Variants in CABLES2 observed in about 807,000 individuals in gnomAD.
The protein encoded by CABLES2 is CDK5 and ABL1 enzyme substrate 2.
CABLES2 carries 35 observed loss-of-function variants against 44.8 expected under a neutral mutation model. The ratio of observed to expected loss-of-function variants is 0.78; its 90% CI spans 0.60 to 1.04. The LOEUF is 1.04. CABLES2 is among the 50% of genes least tolerant of loss of function. CABLES2 has a pLI of 0.00. For synonymous variants in CABLES2, 282 were observed against 281.1 expected (o/e 1.00, Z -0.03); for missense variants, 566 against 615.7 (o/e 0.92, Z 0.85).
At chr20:62,395,052 A>G in intron 3 of CABLES2, 38 bp from the exon 4 acceptor site, 1 of 1,528,406 alleles carries the variant, frequency 6.5e-7, no homozygotes, top group Non-Finnish European at 9.1e-7. Context: ...GGGGCCGGGG[A>G]GCGGGGCTCA....
intron 1 of CABLES2, among the ~76,000 whole-genome samples, chr20:62,398,023 T>A (rs1228404829): frequency 6.8e-6 from 1 of 147,340 alleles, no homozygotes; most frequent in Non-Finnish European, 1.5e-5. Context: ...GCGGTGGTGG[T>A]GGTGGTGACA....
chr20:62,403,697 G>A, intron 1 of CABLES2: 1 of 152,276 alleles, frequency 6.6e-6, no homozygotes, highest in East Asian at 1.9e-4. Flanking sequence ...GGGAGGCCCA[G>A]AGTTCCCACT....
rs539262002 is a variant in CABLES2 at position 62,398,000 on chromosome 20, G to A, written c.363-1408C>T. ...TGGTGATGGCGGTGGTGGTGATGATGGTGATGGTTATGGCGGTGGTGGTGG... is the reference window on the plus strand; with the variant it reads ...TGGTGATGGCGGTGGTGGTGATGATAGTGATGGTTATGGCGGTGGTGGTGG... On this transcript the variant is annotated intron_variant, in intron 1 of 9. Transcript: ENST00000279101. 5.6e-4 allele frequency among the ~76,000 whole-genome samples: 77 copies of A among 137,556 alleles called. 1 individual carries two copies. Among genetic ancestry groups the A allele is most frequent in the African/African-American group, 2.3e-3 (74 of 32,384 alleles). 90.2% of individuals were successfully genotyped at this position (137,556 alleles called of 152,430 possible). A position where few individuals can be genotyped will look rare whatever the true frequency, so the allele number is the denominator to read the frequency against.
At chr20:62,394,060 G>A (rs929122996) in intron 5 of CABLES2, 97 bp downstream of exon 5, 3 of 936,772 alleles carry the variant, frequency 3.2e-6, no homozygotes, top group Non-Finnish European at 5.2e-6. Context: ...GTGAAGCACA[G>A]CTTCACGTGT....
In CABLES2 at chr20:62,391,394, G is replaced by A; in HGVS notation, c.1151C>T (p.Ala384Val). 6.2e-7 allele frequency: 1 copy of A among 1,613,388 alleles called. No homozygotes were observed. The highest frequency in any genetic ancestry group is 1.7e-5 in the Admixed American group (1 of 60,034). The change falls in exon 9 of 10, where the codon GCC becomes GTC. Residue 384 changes from alanine (A) to valine (V), a missense_variant. By Grantham distance (64) the Ala-to-Val change is moderately conservative (BLOSUM62 0). Transcript: ENST00000279101. This position sits in a 1 kb window ranked among gnomAD's most constrained non-coding sequence, Gnocchi z 5.7. ...CTTCTCAAAGTACACGTAGGCCATG[G>A]CCACCGTCACGGGCTCCAGGCTGCA... ...EECSLEPVTVAMAYVYFEKLV... is the reference protein window; with the variant it reads ...EECSLEPVTVVMAYVYFEKLV...
rs76467277 is a variant in CABLES2, at chr20:62,406,437, T to C, written c.362+478A>G. On this transcript the variant is annotated intron_variant, in intron 1 of 9. Coordinates refer to ENST00000279101, the MANE Select transcript of CABLES2 (RefSeq NM_031215.3). ...TGGGGGTCTCAGGGGTAATAAGGGCTGAACCCTAAAACCCATTTCAGAGCA... is the reference window on the plus strand; with the variant it reads ...TGGGGGTCTCAGGGGTAATAAGGGCCGAACCCTAAAACCCATTTCAGAGCA... Among the ~76,000 whole-genome samples, 894 of 102,668 alleles carry C rather than the reference T, an allele frequency of 8.7e-3. 6 individuals are homozygous for C. Among genetic ancestry groups the C allele is most frequent in the African/African-American group, 0.031 (839 of 27,042 alleles). The allele number at this position is 102,668 out of a possible 152,430, so 67.4% of individuals were successfully genotyped here.
At position 62,391,226 on chromosome 20, in the gene CABLES2, T is replaced by C. The variant is rs1270700953; in HGVS notation, c.1296+23A>G. 7 of 1,603,542 alleles carry C rather than the reference T, an allele frequency of 4.4e-6. 1 individual carries two copies. The South Asian group carries it at 6.6e-5, about 15-fold the overall frequency. Reference sequence around the variant, plus strand: ...CTCGATGTCATGACCCTGCCTGCAGTGCCTGCCGAGCCGGGCACTCACATC... The same window carrying C: ...CTCGATGTCATGACCCTGCCTGCAGCGCCTGCCGAGCCGGGCACTCACATC... On this transcript the variant is annotated intron_variant, in intron 9 of 9. Coordinates refer to ENST00000279101, the MANE Select transcript of CABLES2 (RefSeq NM_031215.3). This position sits in a 1 kb window ranked among gnomAD's most constrained non-coding sequence, Gnocchi z 5.7.
chr20:62,396,320 GT>G lies in CABLES2; in HGVS notation c.521del (p.Asn174ThrfsTer31), dbSNP rs774557481. On this transcript the variant is annotated frameshift_variant, in exon 3 of 10. Coordinates refer to ENST00000279101, the MANE Select transcript of CABLES2 (RefSeq NM_031215.3). LOFTEE classifies it high-confidence loss of function. The surrounding 1 kb of genome is among the most constrained non-coding windows in gnomAD (Gnocchi z 5.7). ...IKNMRQYDTRNSRIVLICAKR... is the reference protein window; with the variant it reads ...IKNMRQYDTRXSRIVLICAKR... ...TTCCCGGCTCCGCTTCATACCTGCT[GT>G]TCCTGGTGTCGTACTGCCTCATGTT... The G allele has an allele frequency of 6.2e-7, 1 of 1,613,732 alleles. No individual in the cohort carries two copies. Among genetic ancestry groups the G allele is most frequent in the Non-Finnish European group, 8.5e-7 (1 of 1,179,750 alleles).
At chr20:62,397,044 G>T (rs1470477176) in intron 1 of CABLES2, among the ~76,000 whole-genome samples, 1 of 152,250 alleles carries the variant, frequency 6.6e-6, no homozygotes, top group South Asian at 2.1e-4. Flanking sequence ...GGGCAGGCGG[G>T]GTGGGCACCG....
intron 3 of CABLES2, 92 bp from the exon 4 acceptor site, chr20:62,395,106 T>C: frequency 8.7e-6 from 9 of 1,034,916 alleles, no homozygotes; most frequent in Middle Eastern, 2.0e-4. Flanking sequence ...CATGGAAAAT[T>C]CCTTCTGCCT....
At chr20:62,395,107 C>T (rs999862116) in intron 3 of CABLES2, 93 bp from the exon 4 acceptor site, 1 of 1,036,572 alleles carries the variant, frequency 9.6e-7, no homozygotes, top group East Asian at 2.5e-5. Flanking sequence ...ATGGAAAATT[C>T]CTTCTGCCTA....
At position 62,399,962 on chromosome 20, in the gene CABLES2, G is replaced by C. The variant is rs1392386616; in HGVS notation, c.363-3370C>G. Among the ~76,000 whole-genome samples, 7 of 152,226 alleles carry C rather than the reference G, an allele frequency of 4.6e-5. No homozygotes were observed. The East Asian group carries it at 1.3e-3, about 29-fold the overall frequency. ...GAAAGTGAAAAAGAACATGGTTGTA[G>C]GGGTACCAAGTACAGTTTGAAGTCA... On this transcript the variant is annotated intron_variant, in intron 1 of 9. Coordinates refer to ENST00000279101, the MANE Select transcript of CABLES2 (RefSeq NM_031215.3).
intron 1 of CABLES2, among the ~76,000 whole-genome samples, chr20:62,398,009 T>TAGGACGGTGGTG (rs1988069363): frequency 1.2e-5 from 1 of 84,026 alleles, no homozygotes; most frequent in Non-Finnish European, 2.4e-5. Flanking sequence ...TGGTGATGGT[T>TAGGACGGTGGTG]ATGGCGGTGG....
rs1217367029 is a variant in CABLES2, at chr20:62,398,085, G to GTTA, written c.363-1494_363-1493insTAA. On this transcript the variant is annotated intron_variant, in intron 1 of 9. Coordinates refer to ENST00000279101, the MANE Select transcript of CABLES2 (RefSeq NM_031215.3). ...GGTGGTGGTGACGGTGGTGGTGGTGGTGACGGTGGTGGTGGTGGTGATGGT... is the reference window on the plus strand; with the variant it reads ...GGTGGTGGTGACGGTGGTGGTGGTGGTTATGACGGTGGTGGTGGTGGTGATGGT... Among the ~76,000 whole-genome samples the GTTA allele has an allele frequency of 5.6e-3, 512 of 91,000 alleles. 10 individuals carry two copies. The highest frequency in any genetic ancestry group is 0.024 in the African/African-American group (474 of 19,964). The allele number at this position is 91,000 out of a possible 152,430, so 59.7% of individuals were successfully genotyped here. A position where few individuals can be genotyped will look rare whatever the true frequency, so the allele number is the denominator to read the frequency against.
At chr20:62,400,617 AAT>A (rs1324460656) in intron 1 of CABLES2, among the ~76,000 whole-genome samples, 1 of 152,118 alleles carries the variant, frequency 6.6e-6, no homozygotes, top group Non-Finnish European at 1.5e-5. Flanking sequence ...TCCCACGGGT[AAT>A]TACCAGGGGA....
chr20:62,398,103 G>GTTA (rs1569017594), intron 1 of CABLES2, among the ~76,000 whole-genome samples: 2 of 141,028 alleles, frequency 1.4e-5, no homozygotes, highest in Non-Finnish European at 3.1e-5. Flanking sequence ...GGTGGTGGTG[G>GTTA]TGATGGTGGT....
chr20:62,391,501 T>C lies in CABLES2; in HGVS notation c.1092-48A>G. ...TGTCCCTGGGGGCTCTGGCTGGGGCTGAGGAGGCAGCCCCCTGCCACCACC... is the reference window on the plus strand; with the variant it reads ...TGTCCCTGGGGGCTCTGGCTGGGGCCGAGGAGGCAGCCCCCTGCCACCACC... On this transcript the variant is annotated intron_variant, in intron 8 of 9. Transcript: ENST00000279101. The surrounding 1 kb of genome is among the most constrained non-coding windows in gnomAD (Gnocchi z 5.7). 4 of 1,590,150 alleles carry C rather than the reference T, an allele frequency of 2.5e-6. No individual in the cohort carries two copies. Among genetic ancestry groups the C allele is most frequent in the Non-Finnish European group, 2.6e-6 (3 of 1,160,840 alleles).
chr20:62,394,853 T>G, intron 4 of CABLES2, 84 bp downstream of exon 4: 1 of 1,291,224 alleles, frequency 7.7e-7, no homozygotes. Flanking sequence ...CAGTGCCCGC[T>G]GATGCCTCCT....
chr20:62,397,902 GTGA>G (rs1569017012), intron 1 of CABLES2, among the ~76,000 whole-genome samples: 7 of 146,934 alleles, frequency 4.8e-5, no homozygotes, highest in Middle Eastern at 3.3e-3. Context: ...GGCGGTGGTG[GTGA>G]TGGTGATGGC....
Sources: allele counts gnomAD v4.1 joint callset (sites outside exome capture counted in the v4.1 genomes callset), GRCh38; gene constraint gnomAD v4.1.1; non-coding constraint Gnocchi (gnomAD v3.1); transcripts MANE v1.5; gene names NCBI Gene and HGNC (gene_info 2026-07-23, HGNC 2026-07-21).